The following ASPH variants were observed in gnomAD, a reference collection of about 807,000 sequenced individuals.
ASPH encodes the protein aspartyl/asparaginyl beta-hydroxylase.
In ASPH, 100 loss-of-function variants were observed where a neutral mutation model predicts 118.4. The observed-to-expected ratio is 0.84, with a 90% confidence interval of 0.72 to 1.00. The LOEUF (loss-of-function observed/expected upper bound fraction) is 1.00. ASPH is among the 50% of genes least tolerant of loss of function. The pLI, the probability that ASPH is intolerant of heterozygous loss-of-function variation, is 0.00. For synonymous variants in ASPH, 315 were observed against 325.6 expected (o/e 0.97, Z 0.35); for missense variants, 920 against 919.5 (o/e 1.00, Z -0.01).
At chr8:61,694,315 C>G (rs374644129) in intron 1 of ASPH, among the ~76,000 whole-genome samples, 1 of 152,128 alleles carries the variant, frequency 6.6e-6, no homozygotes, top group African/African-American at 2.4e-5. Context: ...CCCTCCATCC[C>G]GCTGCTAGCC....
At chr8:61,681,984 TAGTACTAAAAAAAA>T (rs1450064346) in intron 2 of ASPH, among the ~76,000 whole-genome samples, 23 of 151,966 alleles carry the variant, frequency 1.5e-4, no homozygotes, top group Non-Finnish European at 2.7e-4. Flanking sequence ...AATACAGCAT[TAGTACTAAAAAAAA>T]ATTTTGGCAA....
At position 61,517,589 on chromosome 8, in the gene ASPH, T is replaced by G; in HGVS notation, c.2065A>C (p.Met689Leu). ...HTGPTNCRLR[M>L]HLGLVIPKEG... Reference sequence around the variant, plus strand: ...TTGGGAATCACCAAGCCCAGGTGCATTCGGAGCCTGCAGTTTGTGGGCCCT... The same window carrying G: ...TTGGGAATCACCAAGCCCAGGTGCAGTCGGAGCCTGCAGTTTGTGGGCCCT... The change falls in exon 24 of 25, where the codon ATG becomes CTG. Residue 689 changes from methionine to leucine, a missense_variant. By Grantham distance (15) the Met-to-Leu change is conservative. Transcript: ENST00000379454. 6.2e-7 allele frequency: 1 copy of G among 1,614,126 alleles called. No individual in the cohort carries two copies. Among genetic ancestry groups the G allele is most frequent in the Non-Finnish European group, 8.5e-7 (1 of 1,179,998 alleles).
At chr8:61,575,160 C>T (rs1380673822) in intron 16 of ASPH, among the ~76,000 whole-genome samples, 1 of 152,172 alleles carries the variant, frequency 6.6e-6, no homozygotes. Flanking sequence ...TTCTTTCAGT[C>T]ATGTTACCTG....
intron 3 of ASPH, among the ~76,000 whole-genome samples, chr8:61,678,356 A>C (rs1482373887): frequency 2.0e-5 from 3 of 152,166 alleles, no homozygotes; most frequent in Non-Finnish European, 4.4e-5. Context: ...CAATAATCTG[A>C]ACTACAACAA....
chr8:61,557,174 C>T lies in ASPH; in HGVS notation c.1438-1152G>A, dbSNP rs145592294. On this transcript the variant is annotated intron_variant, in intron 18 of 24. Transcript: ENST00000379454. ...ATCCTCTGCACACATGGCCCTGACC[C>T]TGTGTAGTCCACTCTCCGCTTGCTA... Among the ~76,000 whole-genome samples, 1,210 of 152,282 alleles carry T rather than the reference C, an allele frequency of 7.9e-3. 2 individuals carry two copies. Among genetic ancestry groups the T allele is most frequent in the Middle Eastern group, 0.041 (12 of 294 alleles).
chr8:61,551,518 T>A (rs1374818384), intron 20 of ASPH, among the ~76,000 whole-genome samples: 1 of 152,208 alleles, frequency 6.6e-6, no homozygotes, highest in Non-Finnish European at 1.5e-5. Context: ...TCTTTGCATA[T>A]TCATGATAAT....
At chr8:61,514,138 C>T (rs1004855565) in intron 24 of ASPH, among the ~76,000 whole-genome samples, 2 of 151,972 alleles carry the variant, frequency 1.3e-5, no homozygotes, top group African/African-American at 4.8e-5. Context: ...CCATGCCCAA[C>T]ATGCATCTTA....
At chr8:61,529,946 T>C (rs1225940782) in intron 21 of ASPH, among the ~76,000 whole-genome samples, 1 of 152,212 alleles carries the variant, frequency 6.6e-6, no homozygotes, top group Non-Finnish European at 1.5e-5. Context: ...CTCTTAATAC[T>C]ATCACCTTGG....
In ASPH at chr8:61,549,773, A is replaced by G. The variant is rs368943172; in HGVS notation, c.1627-1565T>C. 6.1e-4 allele frequency among the ~76,000 whole-genome samples: 93 copies of G among 152,352 alleles called. 1 individual carries two copies. The Middle Eastern group carries it at 0.027, about 45-fold the overall frequency. ...AACAGATTGTTTTTTCAAAAATCTG[A>G]CAGTCCATTTTTGAGTCATCACAAT... On this transcript the variant is annotated intron_variant, in intron 20 of 24. Coordinates refer to ENST00000379454, the MANE Select transcript of ASPH (RefSeq NM_004318.4).
At chr8:61,665,126 A>G (rs2151341706) in intron 3 of ASPH, 3 of 1,466,932 alleles carry the variant, frequency 2.0e-6, no homozygotes, top group Non-Finnish European at 2.7e-6. Flanking sequence ...CTAAGCACCA[A>G]TGATACATTC....
chr8:61,693,135 GTAACCA>G (rs1563629045), intron 1 of ASPH, among the ~76,000 whole-genome samples: 4 of 152,062 alleles, frequency 2.6e-5, no homozygotes, highest in African/African-American at 7.2e-5. Flanking sequence ...AAGTCCAGCC[GTAACCA>G]TGTGATTTCA....
chr8:61,642,525 G>A (rs1322694508), intron 10 of ASPH, among the ~76,000 whole-genome samples: 2 of 152,188 alleles, frequency 1.3e-5, no homozygotes, highest in African/African-American at 4.8e-5. Context: ...ACATCTTGTA[G>A]TCAAACTATA....
chr8:61,629,806 G>A (rs930291339), intron 13 of ASPH, among the ~76,000 whole-genome samples: 10 of 152,108 alleles, frequency 6.6e-5, no homozygotes, highest in East Asian at 1.9e-4. Context: ...CAGCTGTCAC[G>A]TCTTCATTTA....
intron 16 of ASPH, among the ~76,000 whole-genome samples, chr8:61,573,440 A>C (rs1343790517): frequency 6.6e-6 from 1 of 152,240 alleles, no homozygotes; most frequent in African/African-American, 2.4e-5. Flanking sequence ...GCTTGGAGGC[A>C]TCACACTACC....
chr8:61,626,318 C>A, intron 13 of ASPH: 1 of 1,519,242 alleles, frequency 6.6e-7, no homozygotes, highest in Non-Finnish European at 8.8e-7. Context: ...AAAGGACCAA[C>A]CAGACACAGA....
intron 14 of ASPH, among the ~76,000 whole-genome samples, chr8:61,596,674 T>C (rs1202903472): frequency 6.6e-6 from 1 of 152,238 alleles, no homozygotes; most frequent in Non-Finnish European, 1.5e-5. Context: ...ACTACACTAC[T>C]GCGCCAGCCC....
chr8:61,682,335 C>A (rs1828501155), intron 2 of ASPH: 7 of 1,228,986 alleles, frequency 5.7e-6, no homozygotes, highest in Non-Finnish European at 6.9e-6. Flanking sequence ...GAAATTGGTC[C>A]TATCACTTAT....
chr8:61,504,354 T>C (rs1044379026), intron 24 of ASPH, among the ~76,000 whole-genome samples: 2 of 152,236 alleles, frequency 1.3e-5, no homozygotes, highest in Non-Finnish European at 2.9e-5. Context: ...AAAATTTTCC[T>C]TAGATACTAA....
chr8:61,574,174 C>A (rs1380830371), intron 16 of ASPH, among the ~76,000 whole-genome samples: 1 of 151,942 alleles, frequency 6.6e-6, no homozygotes, highest in South Asian at 2.1e-4. Flanking sequence ...GTTAGAATGG[C>A]GATCATTAAA....
Sources: gnomAD v4.1 joint callset for allele counts (sites outside exome capture counted in the v4.1 genomes callset) on GRCh38, gnomAD v4.1.1 for gene constraint, MANE v1.5 for transcripts, NCBI Gene and HGNC (gene_info 2026-07-23, HGNC 2026-07-21) for gene names.